SACM1L: variants seen among roughly 807,000 people sequenced by gnomAD.
The protein encoded by SACM1L is phosphatidylinositol-3-phosphatase SAC1.
SACM1L carries 32 observed loss-of-function variants against 89.5 expected under a neutral mutation model. The ratio of observed to expected loss-of-function variants is 0.36; its 90% CI spans 0.27 to 0.48. SACM1L has a LOEUF of 0.48. SACM1L is among the 20% of genes least tolerant of loss of function. The pLI is 0.99. For missense variants in SACM1L, 543 were observed against 708.5 expected (o/e 0.77, Z 2.65); for synonymous variants, 213 against 232.8 (o/e 0.92, Z 0.77).
At chr3:45,724,463 TC>T (rs1386906108) in intron 11 of SACM1L, among the ~76,000 whole-genome samples, 1 of 152,200 alleles carries the variant, frequency 6.6e-6, no homozygotes, top group Non-Finnish European at 1.5e-5. Context: ...TGGAGAAATG[TC>T]TATGTAAATC....
intron 7 of SACM1L, among the ~76,000 whole-genome samples, chr3:45,715,605 C>T (rs1287408843): frequency 6.6e-6 from 1 of 152,088 alleles, no homozygotes; most frequent in South Asian, 2.1e-4. Context: ...GAAACCCTGT[C>T]TCTACTGAAA....
chr3:45,690,326 GT>G (rs1697947710), intron 1 of SACM1L: 1 of 152,224 alleles, frequency 6.6e-6, no homozygotes, highest in Non-Finnish European at 1.5e-5. Context: ...TACTCACTTC[GT>G]GTTTAATGCT....
intron 7 of SACM1L, among the ~76,000 whole-genome samples, chr3:45,719,274 C>T (rs1243112626): frequency 2.0e-5 from 3 of 152,108 alleles, no homozygotes; most frequent in Non-Finnish European, 4.4e-5. Flanking sequence ...AATAAAAACA[C>T]CATAGTGAAC....
intron 3 of SACM1L, 82 bp downstream of exon 3, chr3:45,705,291 GA>G (rs1440844666): frequency 1.3e-6 from 1 of 786,130 alleles, no homozygotes; most frequent in African/African-American, 1.7e-5. Flanking sequence ...AGTATACGAT[GA>G]AGTAATACTT....
Position 45,732,105 on chromosome 3 carries a change from C to T in SACM1L, c.1054C>T (p.Leu352=). The change falls in exon 13 of 20, where the codon CTA becomes TTA. Residue 352 remains leucine (L), a synonymous_variant. Coordinates refer to ENST00000389061, the MANE Select transcript of SACM1L (RefSeq NM_014016.5). The stretch of plus-strand genomic sequence containing the variant: ...ATGTAAAAATATGAGATGGGATCGA[C>T]TAAGTATTTTATTGGATCAGGTAGC... The part of the protein sequence containing the change: ...KECKNMRWDR[L]SILLDQVAEM... The T allele has an allele frequency of 6.2e-7, 1 of 1,605,210 alleles. No homozygotes were observed. Among genetic ancestry groups the T allele is most frequent in the Non-Finnish European group, 8.5e-7 (1 of 1,176,870 alleles).
chr3:45,741,940 C>T (rs1699325032), intron 19 of SACM1L, among the ~76,000 whole-genome samples: 1 of 152,216 alleles, frequency 6.6e-6, no homozygotes, highest in Non-Finnish European at 1.5e-5. Context: ...TCCTCAGCGG[C>T]CAGCCCTGCT....
chr3:45,689,621 G>T (rs1177850362), intron 1 of SACM1L, 124 bp downstream of exon 1: 3 of 1,214,268 alleles, frequency 2.5e-6, no homozygotes, highest in East Asian at 2.6e-5. Context: ...CGCATTTACC[G>T]GTTTTCCTCA....
Position 45,713,164 on chromosome 3 carries a change from C to A in SACM1L, c.511C>A (p.His171Asn). 1 of 1,612,552 alleles carries A rather than the reference C, an allele frequency of 6.2e-7. No individual in the cohort carries two copies. Among genetic ancestry groups the A allele is most frequent in the South Asian group, 1.1e-5 (1 of 90,864 alleles). Reference sequence around the variant, plus strand: ...AGATCAGCGGTTTGTATGGAATGGTCATCTTCTAAGAGAACTTTCTGCACA... The same window carrying A: ...AGATCAGCGGTTTGTATGGAATGGTAATCTTCTAAGAGAACTTTCTGCACA... ...RADQRFVWNG[H>N]LLRELSAQPE... Residue 171 changes from histidine (H) to asparagine (N), a missense_variant, in exon 6 of 20, where the codon CAT (histidine) becomes AAT (asparagine). His to Asn is a moderately conservative substitution (Grantham distance 68). This residue lies in a region of SACM1L where 370 missense variants were observed against 527.6 expected (regional missense o/e 0.70). Coordinates refer to ENST00000389061, the MANE Select transcript of SACM1L (RefSeq NM_014016.5).
At chr3:45,733,585 C>T (rs1187227439) in intron 13 of SACM1L, among the ~76,000 whole-genome samples, 2 of 152,162 alleles carry the variant, frequency 1.3e-5, no homozygotes, top group African/African-American at 2.4e-5. Flanking sequence ...CATTCTTCCA[C>T]GCTTTTGTTC....
chr3:45,739,550 T>C (rs1559553379), intron 18 of SACM1L, 37 bp from the exon 19 acceptor site: 1 of 1,603,002 alleles, frequency 6.2e-7, no homozygotes, highest in East Asian at 2.2e-5. Flanking sequence ...TTGATTAGCA[T>C]TCTTAAATGA....
chr3:45,696,646 G>T (rs1047980694), intron 1 of SACM1L, among the ~76,000 whole-genome samples: 3 of 151,248 alleles, frequency 2.0e-5, no homozygotes, highest in East Asian at 3.9e-4. Context: ...TCTATCCTGG[G>T]TTTGTTTTTT....
intron 11 of SACM1L, among the ~76,000 whole-genome samples, chr3:45,730,399 T>C (rs1042301551): frequency 1.3e-5 from 2 of 152,142 alleles, no homozygotes; most frequent in African/African-American, 4.8e-5. Flanking sequence ...AAAACTTTCT[T>C]ATTGTGTATG....
intron 3 of SACM1L, among the ~76,000 whole-genome samples, chr3:45,706,041 TGA>T (rs1698384878): frequency 6.6e-6 from 1 of 152,200 alleles, no homozygotes; most frequent in African/African-American, 2.4e-5. Context: ...CACAGTCTAG[TGA>T]GAGAGGCGTG....
intron 11 of SACM1L, among the ~76,000 whole-genome samples, chr3:45,729,355 G>T (rs1022410946): frequency 7.2e-5 from 11 of 152,264 alleles, no homozygotes; most frequent in African/African-American, 9.6e-5. Context: ...AAAGTGCTGG[G>T]ATTACAGGTG....
chr3:45,734,113 A>ATTTTT (rs377501431), intron 13 of SACM1L, among the ~76,000 whole-genome samples: 2,112 of 132,012 alleles, frequency 0.016, 73 homozygotes, highest in African/African-American at 0.026. Flanking sequence ...CCATTTAAGA[A>ATTTTT]TTTTTTTTTT....
At chr3:45,725,226 G>A (rs538933696) in intron 11 of SACM1L, among the ~76,000 whole-genome samples, 2 of 152,154 alleles carry the variant, frequency 1.3e-5, no homozygotes, top group South Asian at 2.1e-4. Context: ...TGCAAACAAT[G>A]TCATTGGGAT....
chr3:45,700,924 G>A (rs1484449141), intron 1 of SACM1L, among the ~76,000 whole-genome samples: 1 of 152,144 alleles, frequency 6.6e-6, no homozygotes, highest in African/African-American at 2.4e-5. Context: ...CACCTGCCTG[G>A]GCCTCCCAAA....
intron 1 of SACM1L, chr3:45,690,255 T>G (rs1450749601): frequency 6.6e-6 from 1 of 152,280 alleles, no homozygotes; most frequent in Non-Finnish European, 1.5e-5. Context: ...AACATGTGTT[T>G]ATTTCCCTTA....
chr3:45,691,795 A>G (rs575641935), intron 1 of SACM1L, among the ~76,000 whole-genome samples: 21 of 152,092 alleles, frequency 1.4e-4, no homozygotes, highest in Non-Finnish European at 2.9e-4. Context: ...CGGATTTTAA[A>G]TAATAATTCT....
Sources: gnomAD v4.1 joint callset for allele counts (sites outside exome capture counted in the v4.1 genomes callset) on GRCh38, gnomAD v4.1.1 for gene constraint, gnomAD v4.1.1 regional missense constraint, MANE v1.5 for transcripts, NCBI Gene and HGNC (gene_info 2026-07-23, HGNC 2026-07-21) for gene names.